SGCZ: variants seen among roughly 807,000 people sequenced by gnomAD.
SGCZ encodes the protein zeta-sarcoglycan.
SGCZ carries 40 observed loss-of-function variants against 41.3 expected under a neutral mutation model. The observed-to-expected ratio is 0.97, with a 90% CI of 0.75 to 1.26. The LOEUF is 1.26. Among genes scored for constraint, SGCZ ranks in the 50% most tolerant of loss-of-function variants. The pLI, the probability that SGCZ is intolerant of heterozygous loss-of-function variation, is 0.00. For missense variants in SGCZ, 552 were observed against 369.8 expected, an observed-to-expected ratio of 1.49 and a Z score of -4.04; for synonymous variants, 206 against 137.5, an observed-to-expected ratio of 1.50 and a Z score of -3.49.
chr8:14,295,290 G>A lies in SGCZ; in HGVS notation c.336+28813C>T, dbSNP rs528498070. The stretch of plus-strand genomic sequence containing the variant: ...CAAGATTACTGATGAATGCAAGATG[G>A]ATGAATCTCAGAACTCACTGTAGTA... On this transcript the variant is annotated intron_variant, in intron 3 of 7. Coordinates refer to ENST00000382080, the MANE Select transcript of SGCZ (RefSeq NM_139167.4). Among the ~76,000 whole-genome samples the A allele has an allele frequency of 9.9e-5, 15 of 152,230 alleles. No individual in the cohort carries two copies. In the East Asian group the frequency reaches 1.5e-3, roughly 16 times the overall value.
intron 1 of SGCZ, among the ~76,000 whole-genome samples, chr8:14,993,693 G>C (rs1802106520): frequency 6.6e-6 from 1 of 152,188 alleles, no homozygotes; most frequent in Non-Finnish European, 1.5e-5. Flanking sequence ...CTGAGGTAGA[G>C]ATTGTGGATG....
intron 1 of SGCZ, among the ~76,000 whole-genome samples, chr8:14,627,342 G>A (rs576113455): frequency 1.2e-4 from 19 of 152,114 alleles, no homozygotes; most frequent in African/African-American, 3.4e-4. Context: ...TTGGAGGGAC[G>A]GATCATCAGC....
At chr8:14,271,693 A>C (rs1800064671) in intron 3 of SGCZ, among the ~76,000 whole-genome samples, 1 of 152,032 alleles carries the variant, frequency 6.6e-6, no homozygotes, top group East Asian at 1.9e-4. Flanking sequence ...AACCTCCTTG[A>C]CTGGGGTTTT....
At chr8:15,067,151 T>C (rs1805181737) in intron 1 of SGCZ, among the ~76,000 whole-genome samples, 1 of 152,192 alleles carries the variant, frequency 6.6e-6, no homozygotes, top group South Asian at 2.1e-4. Context: ...TTTCCAATTT[T>C]GTATAATCTC....
At chr8:14,862,089 C>T (rs1803768202) in intron 1 of SGCZ, among the ~76,000 whole-genome samples, 1 of 152,198 alleles carries the variant, frequency 6.6e-6, no homozygotes, top group African/African-American at 2.4e-5. Context: ...AATAGTATTT[C>T]CTATCACTAG....
intron 5 of SGCZ, among the ~76,000 whole-genome samples, chr8:14,144,326 C>G (rs1803458780): frequency 6.6e-6 from 1 of 152,160 alleles, no homozygotes; most frequent in Non-Finnish European, 1.5e-5. Context: ...CATGAGGACT[C>G]CGTTCCAGGC....
chr8:14,901,959 GGCA>G lies in SGCZ; in HGVS notation c.39+335623_39+335625del, dbSNP rs151231430. Among the ~76,000 whole-genome samples the G allele has an allele frequency of 5.9e-3, 904 of 152,198 alleles. 10 individuals carry two copies. The highest frequency in any genetic ancestry group is 0.02 in the African/African-American group (845 of 41,528). ...GAACAAATGCTGACAGTCAGCCTTA[GGCA>G]AGGGGGCAAAATCACTCACTAACTG... On this transcript the variant is annotated intron_variant, in intron 1 of 7. Transcript: ENST00000382080.
intron 1 of SGCZ, among the ~76,000 whole-genome samples, chr8:15,161,282 GACTCTCCTGTAAGGTCTTTCCCAGGTA>G (rs1218513739): frequency 6.6e-6 from 1 of 151,844 alleles, no homozygotes; most frequent in East Asian, 1.9e-4. Context: ...CCCTACTGTC[GACTCTCCTGTAAGGTCTTTCCCAGGTA>G]ACCATATTTA....
At chr8:14,512,517 G>T (rs1433833016) in intron 2 of SGCZ, among the ~76,000 whole-genome samples, 2 of 152,010 alleles carry the variant, frequency 1.3e-5, no homozygotes, top group African/African-American at 2.4e-5. Context: ...CTGAAGTGCA[G>T]TGGCAGGACG....
chr8:14,539,905 A>T (rs1035965693), intron 2 of SGCZ, among the ~76,000 whole-genome samples: 4 of 152,014 alleles, frequency 2.6e-5, no homozygotes, highest in African/African-American at 9.7e-5. Flanking sequence ...TGTTTGCTTT[A>T]ATTTAAAAAT....
At chr8:14,482,705 TG>T (rs1801567705) in intron 2 of SGCZ, among the ~76,000 whole-genome samples, 1 of 151,836 alleles carries the variant, frequency 6.6e-6, no homozygotes, top group Admixed American at 6.6e-5. Context: ...CCAATGAGGG[TG>T]GGGATCATAC....
At chr8:14,223,999 G>T (rs911429273) in intron 4 of SGCZ, among the ~76,000 whole-genome samples, 9 of 152,070 alleles carry the variant, frequency 5.9e-5, no homozygotes, top group African/African-American at 2.2e-4. Flanking sequence ...AGAAACGGAG[G>T]CACAGAGAAG....
At chr8:14,707,881 C>G (rs1160131045) in intron 1 of SGCZ, among the ~76,000 whole-genome samples, 1 of 151,994 alleles carries the variant, frequency 6.6e-6, no homozygotes, top group South Asian at 2.1e-4. Context: ...AATATATTAA[C>G]AATAGCATGC....
At chr8:14,463,760 A>G (rs1048275943) in intron 2 of SGCZ, among the ~76,000 whole-genome samples, 1 of 151,684 alleles carries the variant, frequency 6.6e-6, no homozygotes, top group African/African-American at 2.4e-5. Flanking sequence ...CTGTTTTTCT[A>G]GACAGCTTTT....
At chr8:14,933,781 T>C (rs1397330986) in intron 1 of SGCZ, among the ~76,000 whole-genome samples, 4 of 152,018 alleles carry the variant, frequency 2.6e-5, no homozygotes, top group African/African-American at 9.7e-5. Context: ...TAGTATACAC[T>C]GATACAGCTA....
chr8:15,165,770 T>C (rs980138440), intron 1 of SGCZ, among the ~76,000 whole-genome samples: 4 of 152,234 alleles, frequency 2.6e-5, no homozygotes, highest in African/African-American at 9.6e-5. Context: ...AGGAAAAAGC[T>C]GAAGTTGCAA....
chr8:14,500,707 C>T (rs1802127243), intron 2 of SGCZ, among the ~76,000 whole-genome samples: 1 of 151,756 alleles, frequency 6.6e-6, no homozygotes, highest in Admixed American at 6.6e-5. Context: ...GATTATTTCC[C>T]ATGTAAAAAT....
chr8:14,890,264 G>GGAAAGGAAGGAAAGAAAC (rs1039020220), intron 1 of SGCZ, among the ~76,000 whole-genome samples: 3 of 149,232 alleles, frequency 2.0e-5, no homozygotes, highest in Non-Finnish European at 4.5e-5. Flanking sequence ...GGAAAAGGAA[G>GGAAAGGAAGGAAAGAAAC]GAAAGGAAGG....
intron 1 of SGCZ, among the ~76,000 whole-genome samples, chr8:15,189,290 G>C (rs1800452107): frequency 6.6e-6 from 1 of 152,148 alleles, no homozygotes; most frequent in Non-Finnish European, 1.5e-5. Context: ...TCTACACAAT[G>C]ACCTGTATTT....
Sources: gnomAD v4.1 joint callset for allele counts (sites outside exome capture counted in the v4.1 genomes callset) on GRCh38, gnomAD v4.1.1 for gene constraint, MANE v1.5 for transcripts, NCBI Gene and HGNC (gene_info 2026-07-23, HGNC 2026-07-21) for gene names.